Variants in TEX14 observed in about 807,000 individuals in gnomAD.
TEX14 encodes inactive serine/threonine-protein kinase TEX14.
Under a neutral mutation model 178.6 loss-of-function variants are expected in TEX14, and 168 were observed. The ratio of observed to expected loss-of-function variants is 0.94; its 90% CI spans 0.83 to 1.07. The LOEUF (loss-of-function observed/expected upper bound fraction) is 1.07. Among genes scored for constraint, TEX14 ranks in the 50% least tolerant of loss-of-function variants. The pLI, the probability that TEX14 is intolerant of heterozygous loss-of-function variation, is 0.00. For synonymous variants in TEX14, 626 were observed against 634.1 expected, an observed-to-expected ratio of 0.99 and a Z score of 0.19; for missense variants, 1,730 against 1,753.6, an observed-to-expected ratio of 0.99 and a Z score of 0.24.
At chr17:58,560,611 A>G (rs557643129) in intron 29 of TEX14, among the ~76,000 whole-genome samples, 30 of 152,350 alleles carry the variant, frequency 2.0e-4, no homozygotes, top group Admixed American at 1.0e-3. Flanking sequence ...TCACTTTGCA[A>G]TATTTCAGGT....
intron 1 of TEX14, among the ~76,000 whole-genome samples, chr17:58,674,997 T>C (rs558122515): frequency 6.6e-6 from 1 of 151,690 alleles, no homozygotes; most frequent in South Asian, 2.1e-4. Context: ...AACACAAAAA[T>C]TAGCTGGGCA....
Position 58,557,035 on chromosome 17 carries a change from C to A in TEX14, c.4332G>T (p.Leu1444=), listed in dbSNP as rs761654932. 1 of 1,614,010 alleles carries A rather than the reference C, an allele frequency of 6.2e-7. No individual in the cohort carries two copies. Among genetic ancestry groups the A allele is most frequent in the Non-Finnish European group, 8.5e-7 (1 of 1,179,818 alleles). Residue 1444 remains leucine (L), a synonymous_variant, in exon 32 of 32, where the codon CTG becomes CTT. Transcript: ENST00000349033. ...ATCAGTCTGACAAGTCACTCTGATCCAGCACGATTATCCTATGCACATGTT... is the reference window on the plus strand; with the variant it reads ...ATCAGTCTGACAAGTCACTCTGATCAAGCACGATTATCCTATGCACATGTT... ...GWSESSRIIV[L]DQSDLSD
rs904538392 is a variant in TEX14 at position 58,594,035 on chromosome 17, A to G, written c.2470-374T>C. Among the ~76,000 whole-genome samples the G allele has an allele frequency of 2.6e-5, 4 of 152,078 alleles. 1 individual carries two copies. In the South Asian group the frequency reaches 8.3e-4, roughly 32 times the overall value. The stretch of plus-strand genomic sequence containing the variant: ...TTGTTAGTAGAGACAGGGTTTCACC[A>G]TGTTGGCCAGGATGGTCTCGATATC... On this transcript the variant is annotated intron_variant, in intron 14 of 31. Coordinates refer to ENST00000349033, the MANE Select transcript of TEX14 (RefSeq NM_031272.5).
intron 2 of TEX14, chr17:58,631,778 C>T (rs926604768): frequency 6.6e-6 from 1 of 152,148 alleles, no homozygotes; most frequent in Non-Finnish European, 1.5e-5. Context: ...GCGTTCTACA[C>T]GTTCAGATAT....
chr17:58,608,970 A>AT (rs2045680950), intron 10 of TEX14, among the ~76,000 whole-genome samples: 1 of 152,222 alleles, frequency 6.6e-6, no homozygotes, highest in African/African-American at 2.4e-5. Context: ...CTTGCAGGCA[A>AT]TAAGGAGACC....
In TEX14 at chr17:58,617,530, C is replaced by T. The variant is rs1386779830; in HGVS notation, c.636+8G>A. On this transcript the variant is annotated splice_region_variant and intron_variant, in intron 6 of 31. Coordinates refer to ENST00000349033, the MANE Select transcript of TEX14 (RefSeq NM_031272.5). ...TGCAAACACTGGCTGTCAGTGGCAA[C>T]CTCTTACCTTCCCAAAACCAAAGCT... 3 of 1,611,828 alleles carry T rather than the reference C, an allele frequency of 1.9e-6. No individual in the cohort carries two copies. The highest frequency in any genetic ancestry group is 1.7e-5 in the Admixed American group (1 of 59,854).
intron 7 of TEX14, 122 bp downstream of exon 7, chr17:58,616,053 G>T: frequency 1.7e-6 from 2 of 1,158,190 alleles, no homozygotes; most frequent in Non-Finnish European, 2.4e-6. Context: ...CCCTGATTTA[G>T]ACAGATGTTC....
chr17:58,624,999 C>T (rs1721113382), intron 3 of TEX14, among the ~76,000 whole-genome samples: 1 of 152,212 alleles, frequency 6.6e-6, no homozygotes, highest in Non-Finnish European at 1.5e-5. Flanking sequence ...CATTGGTTCT[C>T]ACTGTAGGCT....
chr17:58,648,767 T>C (rs1038323673), intron 2 of TEX14, among the ~76,000 whole-genome samples: 4 of 150,324 alleles, frequency 2.7e-5, no homozygotes, highest in African/African-American at 4.9e-5. Flanking sequence ...CTTCTAATCC[T>C]GTGAATTTCT....
intron 10 of TEX14, among the ~76,000 whole-genome samples, chr17:58,608,517 A>T (rs1046046492): frequency 2.0e-5 from 3 of 152,234 alleles, no homozygotes; most frequent in African/African-American, 7.2e-5. Flanking sequence ...GGGAGGTTGC[A>T]GTGAGCCGAG....
Position 58,660,982 on chromosome 17 carries a change from G to A in TEX14, c.-1-8980C>T, listed in dbSNP as rs1232270911. 6 of 1,166,454 alleles carry A rather than the reference G, an allele frequency of 5.1e-6. No homozygotes were observed. In the Admixed American group the frequency reaches 8.4e-5, roughly 16 times the overall value. 72.3% of individuals were successfully genotyped at this position (1,166,454 alleles called of 1,614,324 possible). A position where few individuals can be genotyped will look rare whatever the true frequency, so the allele number is the denominator to read the frequency against. ...GATCAATGCTCTCAATCTCTTCTAA[G>A]CTGATATCAATCCACCTCTGAAGGT... On this transcript the variant is annotated intron_variant, in intron 1 of 31. Coordinates refer to ENST00000349033, the MANE Select transcript of TEX14 (RefSeq NM_031272.5).
chr17:58,621,532 A>G (rs966403134), intron 5 of TEX14, 118 bp downstream of exon 5: 3 of 1,044,730 alleles, frequency 2.9e-6, no homozygotes, highest in African/African-American at 3.2e-5. Context: ...ACCCCTTTGG[A>G]TGGGCCAGAT....
intron 2 of TEX14, among the ~76,000 whole-genome samples, chr17:58,640,644 T>TGTGA (rs1555577606): frequency 0.29 from 41,965 of 146,438 alleles, 6,603 homozygotes; most frequent in Middle Eastern, 0.45. Flanking sequence ...TGTGTGTGTG[T>TGTGA]GAGAGAGAGA....
chr17:58,681,043 A>G (rs1370979142), intron 1 of TEX14, among the ~76,000 whole-genome samples: 1 of 152,042 alleles, frequency 6.6e-6, no homozygotes, highest in Non-Finnish European at 1.5e-5. Flanking sequence ...GCACTTTGGG[A>G]GGCTGAGGTG....
intron 3 of TEX14, among the ~76,000 whole-genome samples, chr17:58,626,004 T>C (rs1277847822): frequency 6.6e-6 from 1 of 152,014 alleles, no homozygotes; most frequent in Non-Finnish European, 1.5e-5. Context: ...CACCCTGGAC[T>C]TCCAAAGTGC....
At chr17:58,612,750 A>T (rs2045777490) in intron 9 of TEX14, among the ~76,000 whole-genome samples, 1 of 151,548 alleles carries the variant, frequency 6.6e-6, no homozygotes, top group Non-Finnish European at 1.5e-5. Flanking sequence ...AAAAAAAAAA[A>T]AAAAAAAATT....
chr17:58,558,216 G>C (rs989518115), intron 30 of TEX14, among the ~76,000 whole-genome samples: 2 of 152,214 alleles, frequency 1.3e-5, no homozygotes, highest in Non-Finnish European at 2.9e-5. Context: ...CCTTAGTGAA[G>C]TGACTACATA....
chr17:58,561,734 A>T, intron 28 of TEX14, 122 bp from the exon 29 acceptor site: 1 of 657,064 alleles, frequency 1.5e-6, no homozygotes, highest in Admixed American at 2.6e-5. Flanking sequence ...ATATGTATGA[A>T]AAAACAAGAG....
At chr17:58,622,437 CAA>C (rs1336152646) in intron 4 of TEX14, among the ~76,000 whole-genome samples, 4 of 113,856 alleles carry the variant, frequency 3.5e-5, no homozygotes, top group Non-Finnish European at 3.8e-5. Flanking sequence ...GACTCCTTCC[CAA>C]AAAAAAAAAA....
Sources: allele counts gnomAD v4.1 joint callset (sites outside exome capture counted in the v4.1 genomes callset), GRCh38; gene constraint gnomAD v4.1.1; transcripts MANE v1.5; gene names NCBI Gene and HGNC (gene_info 2026-07-23, HGNC 2026-07-21).